The following PAG1 variants were observed in gnomAD, a reference collection of about 807,000 sequenced individuals.
The protein encoded by PAG1 is phosphoprotein membrane anchor with glycosphingolipid microdomains 1.
PAG1 carries 23 observed loss-of-function variants against 31.7 expected under a neutral mutation model. The observed-to-expected ratio is 0.73, with a 90% confidence interval of 0.52 to 1.03. The LOEUF (loss-of-function observed/expected upper bound fraction) is 1.03, where lower values mean the gene tolerates loss of function less well. Among genes scored for constraint, PAG1 ranks in the 50% least tolerant of loss-of-function variants. The pLI is 0.00. For missense variants in PAG1, 473 were observed against 540.7 expected (o/e 0.87, Z 1.24); for synonymous variants, 214 against 210.3 (o/e 1.02, Z -0.15).
rs375718789 is a variant in PAG1, at chr8:81,096,843, G to T, written c.-234+14748C>A. 5.3e-5 allele frequency among the ~76,000 whole-genome samples: 8 copies of T among 152,324 alleles called. 1 individual carries two copies. Among genetic ancestry groups the T allele is most frequent in the Admixed American group, 3.3e-4 (5 of 15,304 alleles). On this transcript the variant is annotated intron_variant, in intron 1 of 8. Transcript: ENST00000220597. The stretch of plus-strand genomic sequence containing the variant: ...CTGGAATGGTTTCTGGCCTGCTGGG[G>T]GCACAAGGCTGTCAGGAATTTACTG...
intron 3 of PAG1, among the ~76,000 whole-genome samples, chr8:81,002,923 C>A (rs1807812065): frequency 6.6e-6 from 1 of 152,138 alleles, no homozygotes; most frequent in Non-Finnish European, 1.5e-5. Context: ...AGAGCTTATC[C>A]TCACAGCTTT....
Position 81,054,573 on chromosome 8 carries a change from G to A in PAG1, c.-175+15539C>T, listed in dbSNP as rs551676742. 5.3e-5 allele frequency among the ~76,000 whole-genome samples: 8 copies of A among 152,252 alleles called. No homozygotes were observed. The South Asian group carries it at 1.2e-3, about 24-fold the overall frequency. ...CGCCTGTAGTCCCAGCTACTCGGGAGGCTGAGGCAAGAGAGTGGTGTGAAC... is the reference window on the plus strand; with the variant it reads ...CGCCTGTAGTCCCAGCTACTCGGGAAGCTGAGGCAAGAGAGTGGTGTGAAC... On this transcript the variant is annotated intron_variant, in intron 2 of 8. Coordinates refer to ENST00000220597, the MANE Select transcript of PAG1 (RefSeq NM_018440.4).
At chr8:81,109,586 A>T (rs1453909884) in intron 1 of PAG1, among the ~76,000 whole-genome samples, 2 of 152,270 alleles carry the variant, frequency 1.3e-5, no homozygotes, top group Non-Finnish European at 2.9e-5. Flanking sequence ...GCTTCTGTTA[A>T]TATTCATCAG....
chr8:81,079,033 G>A lies in PAG1; in HGVS notation c.-233-8863C>T, dbSNP rs530754025. On this transcript the variant is annotated intron_variant, in intron 1 of 8. Coordinates refer to ENST00000220597, the MANE Select transcript of PAG1 (RefSeq NM_018440.4). ...TAAGCTAAGAAGTCACTGATCTCCT[G>A]CTCTGGTGATATCCTTGCCAGGACT... Among the ~76,000 whole-genome samples the A allele has an allele frequency of 1.4e-3, 207 of 152,216 alleles. 1 individual carries two copies. Among genetic ancestry groups the A allele is most frequent in the African/African-American group, 4.4e-3 (182 of 41,536 alleles).
chr8:81,090,791 T>C (rs1000915015), intron 1 of PAG1, among the ~76,000 whole-genome samples: 2 of 151,996 alleles, frequency 1.3e-5, no homozygotes, highest in Admixed American at 6.5e-5. Context: ...CACAGCAGAA[T>C]GCAAGAAATG....
chr8:81,095,299 T>C (rs1809512577), intron 1 of PAG1, among the ~76,000 whole-genome samples: 1 of 152,224 alleles, frequency 6.6e-6, no homozygotes, highest in African/African-American at 2.4e-5. Flanking sequence ...TCTCACCAAG[T>C]ATCCTGGTTT....
intron 3 of PAG1, among the ~76,000 whole-genome samples, chr8:81,023,761 A>G (rs565346061): frequency 6.6e-6 from 1 of 152,320 alleles, no homozygotes; most frequent in South Asian, 2.1e-4. Flanking sequence ...CTAATAGACT[A>G]ATATAAAACT....
chr8:81,048,758 T>C (rs1319565757), intron 2 of PAG1, among the ~76,000 whole-genome samples: 1 of 152,198 alleles, frequency 6.6e-6, no homozygotes. Context: ...TAAATGTACA[T>C]ACATTTATTA....
intron 3 of PAG1, among the ~76,000 whole-genome samples, chr8:80,994,591 G>A (rs1807632721): frequency 6.6e-6 from 1 of 152,182 alleles, no homozygotes. Flanking sequence ...GAGTCCAGCT[G>A]TCTCAGACTC....
In PAG1 at chr8:80,990,837, C is replaced by T. The variant is rs73692526; in HGVS notation, c.177+642G>A. Among the ~76,000 whole-genome samples the T allele has an allele frequency of 0.012, 1,851 of 152,220 alleles. 34 individuals are homozygous for T. Among genetic ancestry groups the T allele is most frequent in the African/African-American group, 0.043 (1,781 of 41,520 alleles). On this transcript the variant is annotated intron_variant, in intron 5 of 8. Coordinates refer to ENST00000220597, the MANE Select transcript of PAG1 (RefSeq NM_018440.4). This position sits in a 1 kb window ranked among gnomAD's most constrained non-coding sequence, Gnocchi z 5.1. Reference sequence around the variant, plus strand: ...CAAAATTCATGTCCAAGTCCTAACCCCCAGCACCTGAGAATATGGTCTCAT... The same window carrying T: ...CAAAATTCATGTCCAAGTCCTAACCTCCAGCACCTGAGAATATGGTCTCAT...
chr8:81,111,555 G>A (rs1446941318), intron 1 of PAG1, 36 bp downstream of exon 1: 1 of 152,346 alleles, frequency 6.6e-6, no homozygotes. Context: ...TCCTTCCCAC[G>A]GCTCCCTCCA....
intron 7 of PAG1, among the ~76,000 whole-genome samples, chr8:80,984,217 C>T (rs73273899): frequency 0.049 from 7,441 of 152,190 alleles, 604 homozygotes; most frequent in African/African-American, 0.17. Flanking sequence ...ATTGCTAATG[C>T]ATTTTACAGC....
chr8:81,060,617 C>G (rs1808901822), intron 2 of PAG1, among the ~76,000 whole-genome samples: 1 of 152,092 alleles, frequency 6.6e-6, no homozygotes, highest in Non-Finnish European at 1.5e-5. Context: ...TGATATATCC[C>G]CCTGCTAATT....
intron 3 of PAG1, among the ~76,000 whole-genome samples, chr8:81,003,099 C>T (rs377084541): frequency 2.6e-5 from 4 of 152,302 alleles, no homozygotes; most frequent in Admixed American, 6.5e-5. Context: ...CTGAACCTTC[C>T]CCCAGACTTA....
intron 2 of PAG1, among the ~76,000 whole-genome samples, chr8:81,044,154 T>C (rs978255912): frequency 2.6e-5 from 4 of 152,194 alleles, no homozygotes; most frequent in Non-Finnish European, 5.9e-5. Flanking sequence ...CAGTAACATC[T>C]GAATGCCTGG....
intron 3 of PAG1, among the ~76,000 whole-genome samples, chr8:81,025,812 A>G (rs1270194069): frequency 6.6e-6 from 1 of 152,200 alleles, no homozygotes; most frequent in Non-Finnish European, 1.5e-5. Flanking sequence ...AGGGATGACA[A>G]ATTCTTCCTC....
intron 2 of PAG1, among the ~76,000 whole-genome samples, chr8:81,068,686 G>A (rs1809047290): frequency 6.6e-6 from 1 of 152,182 alleles, no homozygotes; most frequent in Admixed American, 6.5e-5. Context: ...TTTATTAGAT[G>A]TTGTAGGTAC....
At chr8:81,016,472 G>A (rs1183412826) in intron 3 of PAG1, among the ~76,000 whole-genome samples, 2 of 152,104 alleles carry the variant, frequency 1.3e-5, no homozygotes, top group Admixed American at 6.5e-5. Flanking sequence ...TATTTTCTAC[G>A]TTTAGGGAAC....
At chr8:80,998,215 C>T (rs766814823) in intron 3 of PAG1, among the ~76,000 whole-genome samples, 21 of 150,356 alleles carry the variant, frequency 1.4e-4, no homozygotes, top group African/African-American at 3.2e-4. Flanking sequence ...CTGCAACCTT[C>T]GCTTCCTGGG....
Sources: gnomAD v4.1 joint callset for allele counts (sites outside exome capture counted in the v4.1 genomes callset) on GRCh38, gnomAD v4.1.1 for gene constraint, Gnocchi (gnomAD v3.1) non-coding constraint, MANE v1.5 for transcripts, NCBI Gene and HGNC (gene_info 2026-07-23, HGNC 2026-07-21) for gene names.